The following DCC variants were observed in gnomAD, a reference collection of about 807,000 sequenced individuals.
DCC encodes the protein netrin receptor DCC.
Under a neutral mutation model 172.5 loss-of-function variants are expected in DCC, and 58 were observed. The ratio of observed to expected loss-of-function variants is 0.34; its 90% CI spans 0.27 to 0.42. The LOEUF is 0.42. Ranked by LOEUF, DCC falls within the 10% of genes least tolerant of loss-of-function variation. The probability of loss-of-function intolerance (pLI) is 1.00; values close to 1 mark genes in which losing one functional copy is unlikely to be tolerated. For missense variants in DCC, 1,740 were observed against 1,791.0 expected (o/e 0.97, Z 0.51); for synonymous variants, 709 against 644.5 (o/e 1.10, Z -1.52).
At chr18:52,757,207 G>A (rs4530241) in intron 2 of DCC, 89,787 of 152,052 alleles carry the variant, frequency 0.59, 30,884 homozygotes, top group East Asian at 0.87. Flanking sequence ...CAGAGCAGGC[G>A]TTTGAGATTG....
intron 1 of DCC, among the ~76,000 whole-genome samples, chr18:52,500,078 C>T (rs946592195): frequency 2.0e-5 from 3 of 151,860 alleles, no homozygotes; most frequent in African/African-American, 4.8e-5. Context: ...CAGTTTTAGA[C>T]ATACAGTGCT....
chr18:53,124,454 A>G (rs1340678120), intron 7 of DCC, among the ~76,000 whole-genome samples: 1 of 152,114 alleles, frequency 6.6e-6, no homozygotes, highest in Non-Finnish European at 1.5e-5. Flanking sequence ...TAAATCCACA[A>G]CATTGTTTAC....
At chr18:52,414,451 T>G (rs997220491) in intron 1 of DCC, among the ~76,000 whole-genome samples, 8 of 152,156 alleles carry the variant, frequency 5.3e-5, no homozygotes, top group African/African-American at 1.4e-4. Flanking sequence ...CCCATCTGAT[T>G]GACTTTCTAT....
intron 1 of DCC, among the ~76,000 whole-genome samples, chr18:52,367,397 G>C (rs1274810834): frequency 1.3e-5 from 2 of 152,220 alleles, no homozygotes; most frequent in Non-Finnish European, 2.9e-5. Flanking sequence ...CGCCAAAGTG[G>C]GAGCCCAGGC....
At chr18:53,512,884 T>A (rs2046275641) in intron 27 of DCC, among the ~76,000 whole-genome samples, 1 of 152,096 alleles carries the variant, frequency 6.6e-6, no homozygotes, top group Non-Finnish European at 1.5e-5. Context: ...TGGGAAACAC[T>A]CTGCAGGATA....
At chr18:52,997,987 A>G (rs1347631751) in intron 5 of DCC, among the ~76,000 whole-genome samples, 1 of 152,036 alleles carries the variant, frequency 6.6e-6, no homozygotes, top group Non-Finnish European at 1.5e-5. Flanking sequence ...TCTGTGCTGG[A>G]AACTATATAT....
intron 7 of DCC, among the ~76,000 whole-genome samples, chr18:53,140,420 G>C (rs116845824): frequency 2.6e-5 from 4 of 152,158 alleles, no homozygotes; most frequent in African/African-American, 9.7e-5. Flanking sequence ...AGAGGAAATT[G>C]AGAGCAGAAT....
At chr18:52,828,327 C>G (rs985374103) in intron 2 of DCC, among the ~76,000 whole-genome samples, 9 of 152,222 alleles carry the variant, frequency 5.9e-5, no homozygotes, top group African/African-American at 2.2e-4. Flanking sequence ...CTATTGAGAC[C>G]TGATTAGGTT....
chr18:53,321,132 G>A (rs747118686), intron 13 of DCC, among the ~76,000 whole-genome samples: 8 of 152,134 alleles, frequency 5.3e-5, no homozygotes, highest in East Asian at 1.9e-4. Flanking sequence ...GTACATGAGC[G>A]TAATTACTTT....
chr18:53,217,344 A>T (rs1171248975), intron 12 of DCC, among the ~76,000 whole-genome samples: 1 of 150,472 alleles, frequency 6.6e-6, no homozygotes, highest in Non-Finnish European at 1.5e-5. Flanking sequence ...CAAATATCAC[A>T]GCTTCTACTC....
intron 1 of DCC, among the ~76,000 whole-genome samples, chr18:52,342,116 C>T (rs1189474849): frequency 1.3e-5 from 2 of 152,218 alleles, no homozygotes; most frequent in East Asian, 1.9e-4. Context: ...GCGCCTCTCA[C>T]TGTCGCGAGG....
chr18:53,355,871 A>G (rs2057872713), intron 15 of DCC, among the ~76,000 whole-genome samples: 1 of 152,044 alleles, frequency 6.6e-6, no homozygotes, highest in South Asian at 2.1e-4. Context: ...CATGGATTTT[A>G]TACAATTTTA....
intron 1 of DCC, among the ~76,000 whole-genome samples, chr18:52,435,977 T>A (rs1205270471): frequency 2.6e-5 from 4 of 152,182 alleles, no homozygotes; most frequent in African/African-American, 9.6e-5. Context: ...ATCTCCCCAG[T>A]AGGACATTGT....
chr18:52,674,611 A>G (rs2035616698), intron 1 of DCC, among the ~76,000 whole-genome samples: 2 of 152,222 alleles, frequency 1.3e-5, no homozygotes, highest in South Asian at 4.1e-4. Context: ...TGGAGTGAAT[A>G]CCAAAAAATG....
At chr18:52,986,851 C>T (rs1243915652) in intron 5 of DCC, among the ~76,000 whole-genome samples, 1 of 150,644 alleles carries the variant, frequency 6.6e-6, no homozygotes, top group African/African-American at 2.5e-5. Context: ...CACACACACA[C>T]ACACACAAAC....
chr18:52,440,371 T>A (rs551903797), intron 1 of DCC, among the ~76,000 whole-genome samples: 73 of 152,136 alleles, frequency 4.8e-4, no homozygotes, highest in African/African-American at 1.6e-3. Flanking sequence ...CTTTTTATCA[T>A]TTTTTCTTTT....
intron 9 of DCC, among the ~76,000 whole-genome samples, chr18:53,185,134 G>A (rs2055259759): frequency 6.6e-6 from 1 of 152,122 alleles, no homozygotes; most frequent in African/African-American, 2.4e-5. Flanking sequence ...GTAAAAAAAT[G>A]TTTTCAGGTG....
At chr18:53,253,291 G>A (rs1027007344) in intron 12 of DCC, among the ~76,000 whole-genome samples, 3 of 151,956 alleles carry the variant, frequency 2.0e-5, no homozygotes, top group Admixed American at 1.3e-4. Flanking sequence ...CTTATTTTAT[G>A]CCAACCATGA....
chr18:52,580,046 C>T (rs761354122), intron 1 of DCC, among the ~76,000 whole-genome samples: 13 of 152,294 alleles, frequency 8.5e-5, no homozygotes, highest in African/African-American at 2.2e-4. Flanking sequence ...ACCTTTCTTT[C>T]GGGGAGGGAA....
Sources: gnomAD v4.1 joint callset for allele counts (sites outside exome capture counted in the v4.1 genomes callset) on GRCh38, gnomAD v4.1.1 for gene constraint, MANE v1.5 for transcripts, NCBI Gene and HGNC (gene_info 2026-07-23, HGNC 2026-07-21) for gene names.